CA10: variants seen among roughly 807,000 people sequenced by gnomAD.
The protein encoded by CA10 is carbonic anhydrase 10 (inactive), also known as carbonic anhydrase-related protein 10.
CA10 carries 14 observed loss-of-function variants against 44.2 expected under a neutral mutation model. That is an observed-to-expected ratio of 0.32 (90% CI 0.21 to 0.50). The LOEUF is 0.50. Among genes scored for constraint, CA10 ranks in the 20% least tolerant of loss-of-function variants. CA10 has a pLI of 0.99. For synonymous variants in CA10, 159 were observed against 141.6 expected, an observed-to-expected ratio of 1.12 and a Z score of -0.87; for missense variants, 350 against 409.7, an observed-to-expected ratio of 0.85 and a Z score of 1.26.
chr17:51,636,797 G>GTGTGTA (rs1008584452), intron 6 of CA10, among the ~76,000 whole-genome samples: 3 of 151,746 alleles, frequency 2.0e-5, no homozygotes, highest in Non-Finnish European at 4.4e-5. Context: ...GTGTGTGTGT[G>GTGTGTA]TGTGTGTGTG....
chr17:51,956,825 C>T (rs1049478121), intron 2 of CA10, among the ~76,000 whole-genome samples: 1 of 151,860 alleles, frequency 6.6e-6, no homozygotes, highest in African/African-American at 2.4e-5. Flanking sequence ...TGACCCACAC[C>T]CAAAGCAGAG....
chr17:51,813,017 G>T (rs760852420), intron 3 of CA10, among the ~76,000 whole-genome samples: 1 of 152,166 alleles, frequency 6.6e-6, no homozygotes, highest in Non-Finnish European at 1.5e-5. Flanking sequence ...ACTTTAAAAA[G>T]TTCAATTGGC....
chr17:52,137,902 G>A (rs543194670), intron 1 of CA10, among the ~76,000 whole-genome samples: 2 of 152,208 alleles, frequency 1.3e-5, no homozygotes, highest in South Asian at 2.1e-4. Context: ...CAGCTGTGGT[G>A]GACATTTGTC....
intron 3 of CA10, among the ~76,000 whole-genome samples, chr17:51,839,240 C>T (rs1375465223): frequency 6.6e-6 from 1 of 152,110 alleles, no homozygotes; most frequent in Non-Finnish European, 1.5e-5. Flanking sequence ...TGCCTGTAAT[C>T]CCAGCACTTT....
At chr17:51,835,094 C>A (rs1908427518) in intron 3 of CA10, among the ~76,000 whole-genome samples, 1 of 152,180 alleles carries the variant, frequency 6.6e-6, no homozygotes, top group Non-Finnish European at 1.5e-5. Context: ...TGTGCCCCGG[C>A]TGCTCAATGG....
intron 3 of CA10, among the ~76,000 whole-genome samples, chr17:51,914,786 A>G (rs1310926352): frequency 6.6e-6 from 1 of 152,156 alleles, no homozygotes; most frequent in African/African-American, 2.4e-5. Flanking sequence ...CCAGTTTTGG[A>G]GTCAGACAAC....
At chr17:51,905,317 T>C (rs1259022799) in intron 3 of CA10, among the ~76,000 whole-genome samples, 1 of 152,052 alleles carries the variant, frequency 6.6e-6, no homozygotes, top group East Asian at 1.9e-4. Flanking sequence ...CCTGACCTCA[T>C]AGGCCCATTG....
chr17:52,143,745 C>T (rs1339739119), intron 1 of CA10, among the ~76,000 whole-genome samples: 1 of 152,076 alleles, frequency 6.6e-6, no homozygotes, highest in African/African-American at 2.4e-5. Flanking sequence ...GTGGATTAGT[C>T]ACAGCAGGCC....
At chr17:51,775,055 T>C (rs1019444560) in intron 3 of CA10, among the ~76,000 whole-genome samples, 1 of 152,140 alleles carries the variant, frequency 6.6e-6, no homozygotes, top group Non-Finnish European at 1.5e-5. Flanking sequence ...GACAAGGGAC[T>C]GTTCCCAGAG....
intron 3 of CA10, among the ~76,000 whole-genome samples, chr17:51,870,849 G>A (rs921822774): frequency 4.6e-5 from 7 of 152,048 alleles, no homozygotes; most frequent in African/African-American, 1.7e-4. Context: ...GGGGTGGTGG[G>A]ATTATTCTTA....
chr17:52,071,793 T>C (rs1413219890), intron 2 of CA10, among the ~76,000 whole-genome samples: 1 of 152,130 alleles, frequency 6.6e-6, no homozygotes, highest in Non-Finnish European at 1.5e-5. Flanking sequence ...ACAGGGACCC[T>C]CCACCTTGCT....
At chr17:52,046,250 C>T (rs1437145724) in intron 2 of CA10, among the ~76,000 whole-genome samples, 1 of 150,612 alleles carries the variant, frequency 6.6e-6, no homozygotes, top group Non-Finnish European at 1.5e-5. Context: ...AAAGAAAATC[C>T]ATGACACCAA....
At chr17:52,159,875 T>A (rs767173683), upstream of CA10, 16 of 152,090 alleles carry the variant, frequency 1.1e-4, no homozygotes, top group Non-Finnish European at 1.5e-4. Flanking sequence ...CTCAACAGAT[T>A]TGTCTGCTTC....
At position 51,662,255 on chromosome 17, in the gene CA10, A is replaced by G. The variant is rs142866434; in HGVS notation, c.466-8519T>C. Among the ~76,000 whole-genome samples the G allele has an allele frequency of 2.0e-5, 3 of 152,348 alleles. No homozygotes were observed. In the East Asian group the frequency reaches 5.8e-4, roughly 29 times the overall value. Reference sequence around the variant, plus strand: ...AAATGAGCTGAATTCTAGTCAACGTATAGGTCCCAAATGCCCACCCTATGC... The same window carrying G: ...AAATGAGCTGAATTCTAGTCAACGTGTAGGTCCCAAATGCCCACCCTATGC... On this transcript the variant is annotated intron_variant, in intron 4 of 8. Coordinates refer to ENST00000451037, the MANE Select transcript of CA10 (RefSeq NM_020178.5).
intron 2 of CA10, among the ~76,000 whole-genome samples, chr17:51,963,533 G>A (rs1983969343): frequency 6.6e-6 from 1 of 152,112 alleles, no homozygotes; most frequent in South Asian, 2.1e-4. Context: ...ATCAGATCAT[G>A]TACAAAAGGA....
chr17:51,763,471 A>G (rs1456679815), intron 3 of CA10: 1 of 152,210 alleles, frequency 6.6e-6, no homozygotes, highest in Non-Finnish European at 1.5e-5. Context: ...GATGAATTAG[A>G]GACAATTAAA....
chr17:51,831,995 C>T (rs530157587), intron 3 of CA10, among the ~76,000 whole-genome samples: 4 of 152,294 alleles, frequency 2.6e-5, no homozygotes, highest in East Asian at 1.9e-4. Context: ...AATGGGACTC[C>T]GCTCCTAGAA....
chr17:51,971,786 G>A lies in CA10; in HGVS notation c.137-40654C>T, dbSNP rs546932836. ...TATTCTTACTTATACATAAAATAAA[G>A]ATGCTAGAGATCTATTTTATTAGCC... On this transcript the variant is annotated intron_variant, in intron 2 of 8. Transcript: ENST00000451037. Among the ~76,000 whole-genome samples the A allele has an allele frequency of 2.7e-3, 409 of 152,036 alleles. 1 individual carries two copies. The highest frequency in any genetic ancestry group is 9.5e-3 in the African/African-American group (395 of 41,528).
At chr17:51,767,814 ACAACT>A (rs1332246416) in intron 3 of CA10, among the ~76,000 whole-genome samples, 1 of 151,662 alleles carries the variant, frequency 6.6e-6, no homozygotes, top group African/African-American at 2.4e-5. Context: ...TAAGGTGGAC[ACAACT>A]CAAATCTCTC....
Sources: gnomAD v4.1 joint callset for allele counts (sites outside exome capture counted in the v4.1 genomes callset) on GRCh38, gnomAD v4.1.1 for gene constraint, MANE v1.5 for transcripts, NCBI Gene and HGNC (gene_info 2026-07-23, HGNC 2026-07-21) for gene names.